UGT1A8: variants seen among roughly 807,000 people sequenced by gnomAD.
UGT1A8 encodes UDP glucuronosyltransferase family 1 member A8, also known as UDP-glucuronosyltransferase 1A8.
A neutral mutation model predicts 45.3 loss-of-function variants in UGT1A8; 39 were observed. The observed-to-expected ratio is 0.86, with a 90% CI of 0.67 to 1.12. The LOEUF (loss-of-function observed/expected upper bound fraction) is 1.12, where lower values mean the gene tolerates loss of function less well. UGT1A8 is among the 50% of genes most tolerant of loss of function. UGT1A8 has a pLI of 0.00. For synonymous variants in UGT1A8, 275 were observed against 249.2 expected, an observed-to-expected ratio of 1.10 and a Z score of -0.97; for missense variants, 719 against 664.9, an observed-to-expected ratio of 1.08 and a Z score of -0.90.
chr2:233,693,131 AAGGATATAGTTG>A, intron 1 of UGT1A8: 2 of 1,614,212 alleles, frequency 1.2e-6, no homozygotes, highest in Non-Finnish European at 1.7e-6. Flanking sequence ...GCTTAGTATG[AAGGATATAGTTG>A]AGGTTCTCAG....
At chr2:233,644,682 C>A (rs920454149) in intron 1 of UGT1A8, among the ~76,000 whole-genome samples, 1 of 152,174 alleles carries the variant, frequency 6.6e-6, no homozygotes, top group Non-Finnish European at 1.5e-5. Context: ...CAGTGCCTCC[C>A]AATTGTCTCC....
chr2:233,708,476 G>A (rs2092189867), intron 1 of UGT1A8: 1 of 152,210 alleles, frequency 6.6e-6, no homozygotes, highest in African/African-American at 2.4e-5. Flanking sequence ...AACTGGCTGA[G>A]CGTGGTGGCT....
chr2:233,713,582 A>G (rs2076331965), intron 1 of UGT1A8: 26 of 1,613,952 alleles, frequency 1.6e-5, no homozygotes, highest in Non-Finnish European at 2.2e-5. Context: ...TTCCTAGATT[A>G]CTAACGACCA....
intron 1 of UGT1A8, chr2:233,747,692 G>A: frequency 6.2e-7 from 1 of 1,611,132 alleles, no homozygotes; most frequent in Non-Finnish European, 8.5e-7. Context: ...GTGGGGCAGT[G>A]CTGGCTAAGT....
At chr2:233,636,542 C>A in intron 1 of UGT1A8, 1 of 1,613,786 alleles carries the variant, frequency 6.2e-7, no homozygotes, top group African/African-American at 1.3e-5. Flanking sequence ...GCAGGGTGGA[C>A]CAGCCCCGTT....
rs17864673 is a variant in UGT1A8, at chr2:233,619,471, T to C, written c.855+909T>C. On this transcript the variant is annotated intron_variant, in intron 1 of 4. Coordinates refer to ENST00000373450, the MANE Select transcript of UGT1A8 (RefSeq NM_019076.5). ...TCTTAGTAGACTAGAGTCCTACATG[T>C]AGGGTTAGAGGGTTTTCCTGAATTG... Among the ~76,000 whole-genome samples the C allele has an allele frequency of 9.3e-3, 1,411 of 152,304 alleles. 12 individuals are homozygous for C. Among genetic ancestry groups the C allele is most frequent in the Middle Eastern group, 0.037 (11 of 294 alleles).
intron 1 of UGT1A8, among the ~76,000 whole-genome samples, chr2:233,680,284 A>G (rs1253701804): frequency 6.6e-6 from 1 of 152,182 alleles, no homozygotes; most frequent in Non-Finnish European, 1.5e-5. Flanking sequence ...ACCATAAGAG[A>G]TCATTTTTTA....
chr2:233,662,817 G>GTTT (rs34052709), intron 1 of UGT1A8, among the ~76,000 whole-genome samples: 1 of 139,376 alleles, frequency 7.2e-6, no homozygotes, highest in Non-Finnish European at 1.6e-5. Flanking sequence ...TTTGCTGAGA[G>GTTT]TTTTTTTTTT....
chr2:233,719,821 T>G (rs2076806401), intron 1 of UGT1A8: 5 of 1,570,050 alleles, frequency 3.2e-6, no homozygotes, highest in Middle Eastern at 4.6e-4. Flanking sequence ...ACAGATAAAC[T>G]GTTGAGGGGC....
At chr2:233,725,006 G>A (rs112132688) in intron 1 of UGT1A8, among the ~76,000 whole-genome samples, 45,538 of 146,588 alleles carry the variant, frequency 0.31, 9,033 homozygotes, top group South Asian at 0.46. Flanking sequence ...AGACCGGCCC[G>A]GCCAAACAGC....
chr2:233,747,362 G>A, intron 1 of UGT1A8: 1 of 1,603,780 alleles, frequency 6.2e-7, no homozygotes, highest in Non-Finnish European at 8.5e-7. Flanking sequence ...CCGTGCGGGA[G>A]CTCCATGCCA....
chr2:233,644,496 G>T (rs1236197434), intron 1 of UGT1A8, among the ~76,000 whole-genome samples: 3 of 152,090 alleles, frequency 2.0e-5, no homozygotes, highest in African/African-American at 7.2e-5. Flanking sequence ...CGGAGGCAGA[G>T]GCTGCAGTGA....
rs549717724 is a variant in UGT1A8 at position 233,729,172 on chromosome 2, C to T, written c.856-37862C>T. 1.0e-4 allele frequency: 161 copies of T among 1,613,762 alleles called. No homozygotes were observed. In the East Asian group the frequency reaches 3.5e-3, roughly 35 times the overall value. ...TCCCCTGCCGTGGCTGGCCACAGGA[C>T]TGCTGCTTCTCCTCAGTGTCCAGCC... On this transcript the variant is annotated intron_variant, in intron 1 of 4. Coordinates refer to ENST00000373450, the MANE Select transcript of UGT1A8 (RefSeq NM_019076.5).
At chr2:233,770,500 A>AT (rs1700093584) in intron 4 of UGT1A8, 1 of 152,124 alleles carries the variant, frequency 6.6e-6, no homozygotes, top group Admixed American at 6.5e-5. Flanking sequence ...CCAAAAAAAT[A>AT]TAAAAAAATT....
At chr2:233,717,788 T>G (rs2076606522) in intron 1 of UGT1A8, 1 of 456,178 alleles carries the variant, frequency 2.2e-6, no homozygotes, top group African/African-American at 2.0e-5. Flanking sequence ...TTTTGAAATT[T>G]GAAGTAGTGC....
At chr2:233,714,555 A>G (rs28899184) in intron 1 of UGT1A8, among the ~76,000 whole-genome samples, 1 of 152,254 alleles carries the variant, frequency 6.6e-6, no homozygotes, top group Non-Finnish European at 1.5e-5. Context: ...TCCAATAGAA[A>G]TATCATGTAA....
chr2:233,706,134 A>C (rs1160537015), intron 1 of UGT1A8, among the ~76,000 whole-genome samples: 3 of 152,196 alleles, frequency 2.0e-5, no homozygotes, highest in Non-Finnish European at 4.4e-5. Context: ...ACAGCAAAGT[A>C]TTAAACAAAG....
intron 1 of UGT1A8, among the ~76,000 whole-genome samples, chr2:233,745,740 G>A (rs1693195294): frequency 6.6e-6 from 1 of 150,538 alleles, no homozygotes; most frequent in Admixed American, 6.6e-5. Context: ...GGCAGAGGGA[G>A]GGGGCAAGCA....
intron 1 of UGT1A8, chr2:233,713,795 G>C: frequency 6.2e-7 from 1 of 1,614,030 alleles, no homozygotes; most frequent in East Asian, 2.2e-5. Flanking sequence ...ACCCCAGGCC[G>C]ATCATGCCCA....
Sources: gnomAD v4.1 joint callset for allele counts (sites outside exome capture counted in the v4.1 genomes callset) on GRCh38, gnomAD v4.1.1 for gene constraint, MANE v1.5 for transcripts, NCBI Gene and HGNC (gene_info 2026-07-23, HGNC 2026-07-21) for gene names.